Variants in PRKAR2B observed in about 807,000 individuals in gnomAD.
PRKAR2B encodes protein kinase cAMP-dependent type II regulatory subunit beta, also known as cAMP-dependent protein kinase type II-beta regulatory subunit.
Under a neutral mutation model 49.9 loss-of-function variants are expected in PRKAR2B, and 14 were observed. That is an observed-to-expected ratio of 0.28 (90% CI 0.19 to 0.44). The LOEUF (loss-of-function observed/expected upper bound fraction) is 0.44. Among genes scored for constraint, PRKAR2B ranks in the 20% least tolerant of loss-of-function variants. The probability of loss-of-function intolerance (pLI) is 1.00; values close to 1 mark genes in which losing one functional copy is unlikely to be tolerated. For synonymous variants in PRKAR2B, 196 were observed against 197.7 expected, an observed-to-expected ratio of 0.99 and a Z score of 0.07; for missense variants, 393 against 537.9, an observed-to-expected ratio of 0.73 and a Z score of 2.67.
At chr7:107,080,767 G>A (rs1310788412) in intron 2 of PRKAR2B, among the ~76,000 whole-genome samples, 1 of 152,232 alleles carries the variant, frequency 6.6e-6, no homozygotes, top group East Asian at 1.9e-4. Context: ...GCAATATGAT[G>A]TAGAAGTAAG....
At chr7:107,140,595 T>G (rs1024079381) in intron 4 of PRKAR2B, among the ~76,000 whole-genome samples, 1 of 152,198 alleles carries the variant, frequency 6.6e-6, no homozygotes, top group African/African-American at 2.4e-5. Flanking sequence ...CATTTTAAAG[T>G]GGTGATAGTT....
At chr7:107,154,975 C>T (rs1431699750) in intron 8 of PRKAR2B, among the ~76,000 whole-genome samples, 2 of 152,206 alleles carry the variant, frequency 1.3e-5, no homozygotes, top group African/African-American at 2.4e-5. Flanking sequence ...CTTCCGGCTC[C>T]ATCTGGATGC....
intron 2 of PRKAR2B, among the ~76,000 whole-genome samples, chr7:107,099,997 A>C (rs761354722): frequency 2.0e-5 from 3 of 151,924 alleles, no homozygotes; most frequent in Non-Finnish European, 4.4e-5. Flanking sequence ...GAGTTGTAGG[A>C]GTTCTTTATA....
At chr7:107,060,710 A>G (rs1479693350) in intron 1 of PRKAR2B, among the ~76,000 whole-genome samples, 3 of 151,116 alleles carry the variant, frequency 2.0e-5, no homozygotes, top group East Asian at 1.9e-4. Context: ...AAATCTCCCA[A>G]TCTTAGGTTT....
At chr7:107,148,182 AGTG>A (rs1174957680) in intron 6 of PRKAR2B, among the ~76,000 whole-genome samples, 1 of 152,246 alleles carries the variant, frequency 6.6e-6, no homozygotes, top group East Asian at 1.9e-4. Flanking sequence ...CTGTAATTAA[AGTG>A]GTGGGATAAA....
intron 2 of PRKAR2B, among the ~76,000 whole-genome samples, chr7:107,102,565 C>T (rs1794992872): frequency 6.6e-6 from 1 of 152,156 alleles, no homozygotes; most frequent in Non-Finnish European, 1.5e-5. Flanking sequence ...AGAGCCCTCC[C>T]AGAGTTTCTT....
At chr7:107,054,325 G>C (rs1793870079) in intron 1 of PRKAR2B, among the ~76,000 whole-genome samples, 1 of 152,158 alleles carries the variant, frequency 6.6e-6, no homozygotes, top group African/African-American at 2.4e-5. Context: ...CTGCTTGACA[G>C]AGTGAGACTC....
At chr7:107,056,978 A>T (rs1793927518) in intron 1 of PRKAR2B, among the ~76,000 whole-genome samples, 1 of 152,136 alleles carries the variant, frequency 6.6e-6, no homozygotes. Context: ...GCCCCCCACA[A>T]ACCACTAATG....
intron 6 of PRKAR2B, among the ~76,000 whole-genome samples, chr7:107,150,698 TAAAAAAAAAAA>T (rs58258955): frequency 8.5e-5 from 12 of 140,586 alleles, no homozygotes; most frequent in Non-Finnish European, 1.1e-4. Flanking sequence ...ATGCTTTCTT[TAAAAAAAAAAA>T]AAAAAAAAAA....
At chr7:107,063,703 T>C (rs1794072652) in intron 1 of PRKAR2B, among the ~76,000 whole-genome samples, 2 of 152,200 alleles carry the variant, frequency 1.3e-5, no homozygotes, top group Admixed American at 1.3e-4. Flanking sequence ...CGTACTCTTA[T>C]TAGTAGGCCA....
At chr7:107,150,457 G>C (rs1393537911) in intron 6 of PRKAR2B, among the ~76,000 whole-genome samples, 1 of 151,968 alleles carries the variant, frequency 6.6e-6, no homozygotes, top group East Asian at 1.9e-4. Flanking sequence ...ATCACATCAG[G>C]GTAAATGGAG....
chr7:107,090,475 C>T (rs745770011), intron 2 of PRKAR2B, among the ~76,000 whole-genome samples: 1 of 152,164 alleles, frequency 6.6e-6, no homozygotes, highest in Non-Finnish European at 1.5e-5. Flanking sequence ...GCACAGGGCT[C>T]AGAAACCCTG....
chr7:107,050,829 C>T (rs569968729), intron 1 of PRKAR2B, among the ~76,000 whole-genome samples: 2 of 152,260 alleles, frequency 1.3e-5, no homozygotes, highest in East Asian at 1.9e-4. Flanking sequence ...ATTCGTCTTA[C>T]ATTTACTCTC....
chr7:107,126,194 C>A lies in PRKAR2B; in HGVS notation c.397-2018C>A, dbSNP rs145242020. Among the ~76,000 whole-genome samples, 435 of 147,844 alleles carry A rather than the reference C, an allele frequency of 2.9e-3. 3 individuals carry two copies. Among genetic ancestry groups the A allele is most frequent in the African/African-American group, 0.01 (407 of 40,038 alleles). On this transcript the variant is annotated intron_variant, in intron 3 of 10. Transcript: ENST00000265717. ...AAATCACGAGGTCAGGACATCAAGA[C>A]CATCCTGGCTAACATGGTGAAAACC...
At chr7:107,096,729 A>G (rs879196448) in intron 2 of PRKAR2B, among the ~76,000 whole-genome samples, 1 of 152,180 alleles carries the variant, frequency 6.6e-6, no homozygotes, top group Non-Finnish European at 1.5e-5. Flanking sequence ...ATTGGTTTCA[A>G]AGAACATCTT....
chr7:107,099,995 G>A (rs774267933), intron 2 of PRKAR2B, among the ~76,000 whole-genome samples: 1 of 152,012 alleles, frequency 6.6e-6, no homozygotes, highest in African/African-American at 2.4e-5. Context: ...TTGAGTTGTA[G>A]GAGTTCTTTA....
chr7:107,070,195 A>G, intron 1 of PRKAR2B, 86 bp from the exon 2 acceptor site: 1 of 922,146 alleles, frequency 1.1e-6, no homozygotes, highest in South Asian at 1.6e-5. Flanking sequence ...GTTAAATTAT[A>G]AGATGGTTTA....
In PRKAR2B at chr7:107,159,599, A is replaced by C; in HGVS notation, c.*17A>C. On this transcript the variant is annotated 3_prime_UTR_variant, in exon 11 of 11. Transcript: ENST00000265717. ...ACTGCATGAAGCAAAAGTATGGAGC[A>C]AGACCTGTAGTGACAAAATTACACA... is the stretch of plus-strand genomic sequence containing the variant. The C allele has an allele frequency of 6.2e-7, 1 of 1,613,796 alleles. No individual in the cohort carries two copies. Among genetic ancestry groups the C allele is most frequent in the South Asian group, 1.1e-5 (1 of 91,046 alleles).
intron 8 of PRKAR2B, among the ~76,000 whole-genome samples, chr7:107,155,816 T>C (rs1248357927): frequency 1.3e-5 from 2 of 152,192 alleles, no homozygotes; most frequent in African/African-American, 4.8e-5. Flanking sequence ...CATATGTTTA[T>C]TGCAGCACTA....
Sources: allele counts gnomAD v4.1 joint callset (sites outside exome capture counted in the v4.1 genomes callset), GRCh38; gene constraint gnomAD v4.1.1; transcripts MANE v1.5; gene names NCBI Gene and HGNC (gene_info 2026-07-23, HGNC 2026-07-21).